Variants in CADPS2 observed in about 807,000 individuals in gnomAD.
The protein encoded by CADPS2 is calcium dependent secretion activator 2, also known as calcium-dependent secretion activator 2.
In CADPS2, 93 loss-of-function variants were observed where a neutral mutation model predicts 172.5. The observed-to-expected ratio is 0.54, with a 90% CI of 0.46 to 0.64. CADPS2 has a LOEUF of 0.64. CADPS2 is among the 30% of genes least tolerant of loss of function. The pLI is 0.00. For synonymous variants in CADPS2, 546 were observed against 555.2 expected, an observed-to-expected ratio of 0.98 and a Z score of 0.23; for missense variants, 1,420 against 1,565.9, an observed-to-expected ratio of 0.91 and a Z score of 1.57.
chr7:122,583,825 G>A (rs1412379050), intron 6 of CADPS2, among the ~76,000 whole-genome samples: 3 of 150,448 alleles, frequency 2.0e-5, no homozygotes, highest in East Asian at 3.9e-4. Context: ...ATATGCATAT[G>A]TATATTCATA....
rs2031758714 is a variant in CADPS2 at position 122,318,457 on chromosome 7, AAAG to A, written c.*1705_*1707del. 6.6e-6 allele frequency: 1 copy of A among 152,280 alleles called. No individual in the cohort carries two copies. Among genetic ancestry groups the A allele is most frequent in the Admixed American group, 6.5e-5 (1 of 15,288 alleles). The allele number at this position is 152,280 out of a possible 1,614,324, so 9.4% of individuals were successfully genotyped here. ...GGAAATGGACATTTTATTGAAAGGA[AAAG>A]AAGGGTGGGTAATTACTAAGTACAG... On this transcript the variant is annotated 3_prime_UTR_variant, in exon 30 of 30. Coordinates refer to ENST00000449022, the MANE Select transcript of CADPS2 (RefSeq NM_017954.11).
intron 8 of CADPS2, among the ~76,000 whole-genome samples, chr7:122,544,058 C>A (rs2063368694): frequency 6.6e-6 from 1 of 152,044 alleles, no homozygotes. Flanking sequence ...TTCTTACGAG[C>A]TCAGCAGTTC....
chr7:122,541,199 ATTTT>A (rs35364064), intron 8 of CADPS2, among the ~76,000 whole-genome samples: 1 of 138,116 alleles, frequency 7.2e-6, no homozygotes. Flanking sequence ...TTATGAGATG[ATTTT>A]TTTTTTTTTT....
At chr7:122,380,694 G>A (rs1391990860) in intron 24 of CADPS2, among the ~76,000 whole-genome samples, 1 of 152,098 alleles carries the variant, frequency 6.6e-6, no homozygotes, top group African/African-American at 2.4e-5. Flanking sequence ...GTGTGTGGGT[G>A]TGAATATAAG....
intron 17 of CADPS2, among the ~76,000 whole-genome samples, chr7:122,417,181 C>A (rs6947805): frequency 6.6e-6 from 1 of 152,002 alleles, no homozygotes; most frequent in Non-Finnish European, 1.5e-5. Flanking sequence ...TCTGTTCTAA[C>A]GTATTCCAAA....
intron 28 of CADPS2, among the ~76,000 whole-genome samples, chr7:122,336,807 C>T (rs2150886543): frequency 6.6e-6 from 1 of 152,222 alleles, no homozygotes; most frequent in East Asian, 1.9e-4. Flanking sequence ...CTTAGGTGAT[C>T]AACATTTTCT....
At chr7:122,692,858 G>C (rs939785690) in intron 2 of CADPS2, among the ~76,000 whole-genome samples, 4 of 152,236 alleles carry the variant, frequency 2.6e-5, no homozygotes, top group Non-Finnish European at 5.9e-5. Context: ...GCTTGAGCTG[G>C]CTGCACAGCC....
chr7:122,760,498 A>G (rs1187916110), intron 1 of CADPS2, among the ~76,000 whole-genome samples: 1 of 152,140 alleles, frequency 6.6e-6, no homozygotes, highest in Non-Finnish European at 1.5e-5. Flanking sequence ...TAACTGAACT[A>G]GCGGATTCCA....
At chr7:122,668,131 A>C (rs747022429) in intron 2 of CADPS2, among the ~76,000 whole-genome samples, 1 of 152,248 alleles carries the variant, frequency 6.6e-6, no homozygotes, top group Admixed American at 6.5e-5. Flanking sequence ...AATAAGGGCT[A>C]GGACTAGGCT....
intron 28 of CADPS2, among the ~76,000 whole-genome samples, chr7:122,327,832 CTAT>C (rs2034175824): frequency 6.6e-6 from 1 of 151,708 alleles, no homozygotes; most frequent in African/African-American, 2.4e-5. Context: ...AAAAAGAGAA[CTAT>C]TATTAAGTAA....
intron 1 of CADPS2, among the ~76,000 whole-genome samples, chr7:122,859,922 T>C: frequency 6.6e-6 from 1 of 152,162 alleles, no homozygotes; most frequent in South Asian, 2.1e-4. Context: ...GTATAATGAT[T>C]CTCCAGAGCA....
At chr7:122,807,926 T>C (rs562331427) in intron 1 of CADPS2, among the ~76,000 whole-genome samples, 61 of 152,314 alleles carry the variant, frequency 4.0e-4, no homozygotes, top group African/African-American at 1.4e-3. Flanking sequence ...TCTGAGGTAC[T>C]AGGGATTAAG....
chr7:122,475,554 A>C (rs1031619823), intron 12 of CADPS2, among the ~76,000 whole-genome samples: 3 of 152,234 alleles, frequency 2.0e-5, no homozygotes, highest in Non-Finnish European at 4.4e-5. Context: ...GATTAAACCC[A>C]ATTATAGAGT....
chr7:122,376,095 T>A (rs1301586568), intron 25 of CADPS2, among the ~76,000 whole-genome samples: 2 of 152,040 alleles, frequency 1.3e-5, no homozygotes, highest in African/African-American at 4.8e-5. Flanking sequence ...CAGGTATTAG[T>A]GAGAATGTGA....
chr7:122,721,303 A>G lies in CADPS2; in HGVS notation c.453+15652T>C, dbSNP rs868144083. Among the ~76,000 whole-genome samples, 4 of 152,218 alleles carry G rather than the reference A, an allele frequency of 2.6e-5. No homozygotes were observed. In the South Asian group the frequency reaches 8.3e-4, roughly 32 times the overall value. On this transcript the variant is annotated intron_variant, in intron 2 of 29. Transcript: ENST00000449022. ...TTGATAGACTGCTAGCAAGACTAAT[A>G]AAGAAGAAAAGAGAGAAGAATCAAA...
chr7:122,544,222 C>A (rs199923791), intron 8 of CADPS2, among the ~76,000 whole-genome samples: 11 of 152,122 alleles, frequency 7.2e-5, no homozygotes, highest in African/African-American at 2.4e-4. Context: ...ATGTTTGTAG[C>A]AAGCCATATT....
intron 20 of CADPS2, among the ~76,000 whole-genome samples, chr7:122,404,857 G>A (rs1250646026): frequency 6.6e-6 from 1 of 152,138 alleles, no homozygotes; most frequent in East Asian, 1.9e-4. Context: ...CGGGCGCGGT[G>A]GCTCATGCCT....
chr7:122,379,361 A>G lies in CADPS2; in HGVS notation c.3387+7T>C. 1 of 1,555,122 alleles carries G rather than the reference A, an allele frequency of 6.4e-7. No individual in the cohort carries two copies. The highest frequency in any genetic ancestry group is 8.8e-7 in the Non-Finnish European group (1 of 1,133,346). ...TGATTTAAAAAGGTGAATAAATAAT[A>G]CATTACCTTTGAAACTAACAGTGAA... On this transcript the variant is annotated splice_region_variant and intron_variant, in intron 25 of 29. Coordinates refer to ENST00000449022, the MANE Select transcript of CADPS2 (RefSeq NM_017954.11).
chr7:122,617,123 C>G (rs1320940875), intron 5 of CADPS2, among the ~76,000 whole-genome samples: 1 of 152,130 alleles, frequency 6.6e-6, no homozygotes, highest in East Asian at 1.9e-4. Context: ...GACATTATTT[C>G]TGTCACCTCT....
Sources: gnomAD v4.1 joint callset for allele counts (sites outside exome capture counted in the v4.1 genomes callset) on GRCh38, gnomAD v4.1.1 for gene constraint, MANE v1.5 for transcripts, NCBI Gene and HGNC (gene_info 2026-07-23, HGNC 2026-07-21) for gene names.